The following PHACTR1 variants were observed in gnomAD, a reference collection of about 807,000 sequenced individuals.
PHACTR1 encodes phosphatase and actin regulator 1.
Under a neutral mutation model 69.2 loss-of-function variants are expected in PHACTR1, and 16 were observed. The observed-to-expected ratio is 0.23, with a 90% CI of 0.16 to 0.35. PHACTR1 has a LOEUF of 0.35. Ranked by LOEUF, PHACTR1 falls within the 10% of genes least tolerant of loss-of-function variation. The pLI is 1.00. For synonymous variants in PHACTR1, 312 were observed against 284.5 expected (o/e 1.10, Z -0.97); for missense variants, 510 against 734.7 (o/e 0.69, Z 3.54).
At chr6:13,095,735 A>G (rs968003585) in intron 5 of PHACTR1, among the ~76,000 whole-genome samples, 17 of 135,118 alleles carry the variant, frequency 1.3e-4, no homozygotes, top group Admixed American at 5.4e-4. Flanking sequence ...TTTAAAGTGA[A>G]TTATTGTGAA....
At chr6:12,997,135 C>G (rs1459034160) in intron 4 of PHACTR1, among the ~76,000 whole-genome samples, 2 of 151,606 alleles carry the variant, frequency 1.3e-5, no homozygotes, top group Non-Finnish European at 2.9e-5. Context: ...CCATTGCACT[C>G]TAGCCTGGGC....
intron 10 of PHACTR1, among the ~76,000 whole-genome samples, chr6:13,231,197 AGAAG>A (rs1287526485): frequency 2.4e-4 from 28 of 117,708 alleles, no homozygotes; most frequent in African/African-American, 3.9e-4. Context: ...GAGGAAGGAA[AGAAG>A]GAAGGAAGGA....
intron 4 of PHACTR1, among the ~76,000 whole-genome samples, chr6:12,812,771 A>G (rs1775169140): frequency 6.6e-6 from 1 of 152,186 alleles, no homozygotes; most frequent in Non-Finnish European, 1.5e-5. Context: ...TTGAAATCGC[A>G]TGATTGTTAG....
chr6:12,803,307 T>G (rs970183762), intron 4 of PHACTR1, among the ~76,000 whole-genome samples: 1 of 152,154 alleles, frequency 6.6e-6, no homozygotes, highest in Non-Finnish European at 1.5e-5. Context: ...ATTGGTGGTC[T>G]CTCTTTTTCA....
intron 4 of PHACTR1, among the ~76,000 whole-genome samples, chr6:12,818,443 C>A (rs1775838457): frequency 1.3e-5 from 2 of 152,128 alleles, no homozygotes; most frequent in Non-Finnish European, 2.9e-5. Context: ...CTACAGAGGG[C>A]AAACTCCAGT....
intron 10 of PHACTR1, among the ~76,000 whole-genome samples, chr6:13,249,104 A>G (rs970884288): frequency 6.6e-6 from 1 of 152,144 alleles, no homozygotes; most frequent in African/African-American, 2.4e-5. Context: ...CCTTTTGGCC[A>G]TGCTCGTGTA....
In PHACTR1 at chr6:12,948,048, C is replaced by T. The variant is rs147931171; in HGVS notation, c.251-105317C>T. On this transcript the variant is annotated intron_variant, in intron 4 of 14. Coordinates refer to ENST00000332995, the MANE Select transcript of PHACTR1 (RefSeq NM_030948.6). ...CTCCTCTGTTGGCTCATTGTAGTTG[C>T]GCCATGAACCTTTCCATATCCCTAA... Among the ~76,000 whole-genome samples the T allele has an allele frequency of 1.6e-4, 25 of 152,246 alleles. 1 individual carries two copies. The highest frequency in any genetic ancestry group is 2.4e-4 in the Non-Finnish European group (16 of 68,030).
chr6:13,171,862 G>A (rs901810819), intron 6 of PHACTR1, among the ~76,000 whole-genome samples: 5 of 152,140 alleles, frequency 3.3e-5, no homozygotes, highest in African/African-American at 1.2e-4. Context: ...TGCCTCCGGG[G>A]TTCAAGTGAT....
At chr6:12,972,504 T>C (rs1398611412) in intron 4 of PHACTR1, among the ~76,000 whole-genome samples, 1 of 152,194 alleles carries the variant, frequency 6.6e-6, no homozygotes, top group Non-Finnish European at 1.5e-5. Flanking sequence ...AGTCAAGGTA[T>C]AGGCATAGCT....
At chr6:12,836,304 T>C (rs1034539895) in intron 4 of PHACTR1, among the ~76,000 whole-genome samples, 3 of 152,206 alleles carry the variant, frequency 2.0e-5, no homozygotes, top group Non-Finnish European at 2.9e-5. Context: ...GGACAAATGA[T>C]GGAATAAGAT....
intron 4 of PHACTR1, among the ~76,000 whole-genome samples, chr6:13,050,878 T>C (rs1447316750): frequency 1.3e-5 from 2 of 152,210 alleles, no homozygotes; most frequent in East Asian, 3.8e-4. Flanking sequence ...CTCATGTTTA[T>C]CCAGAGAGTT....
intron 10 of PHACTR1, among the ~76,000 whole-genome samples, chr6:13,264,106 T>A (rs997246019): frequency 6.6e-6 from 1 of 152,210 alleles, no homozygotes; most frequent in Non-Finnish European, 1.5e-5. Flanking sequence ...AAATAAGTCA[T>A]CTTCAGTGTA....
intron 8 of PHACTR1, among the ~76,000 whole-genome samples, chr6:13,216,787 T>A (rs1767744740): frequency 6.6e-6 from 1 of 152,196 alleles, no homozygotes; most frequent in African/African-American, 2.4e-5. Context: ...TGCAAAGTAA[T>A]GTCATTATGA....
chr6:13,095,684 G>C (rs1446463062), intron 5 of PHACTR1, among the ~76,000 whole-genome samples: 4 of 150,258 alleles, frequency 2.7e-5, no homozygotes, highest in African/African-American at 4.9e-5. Flanking sequence ...TGGAGGAAGG[G>C]ACATGACCTT....
intron 4 of PHACTR1, among the ~76,000 whole-genome samples, chr6:12,844,924 A>G (rs4711845): frequency 0.19 from 28,666 of 152,006 alleles, 2,911 homozygotes; most frequent in African/African-American, 0.26. Flanking sequence ...AAACATAAAT[A>G]CTTGAGCAGC....
intron 10 of PHACTR1, among the ~76,000 whole-genome samples, chr6:13,243,019 G>A (rs1773070919): frequency 6.6e-6 from 1 of 152,198 alleles, no homozygotes; most frequent in Admixed American, 6.5e-5. Flanking sequence ...GTTCCATGAA[G>A]AAGGCGCAGA....
At chr6:12,721,322 T>G (rs1340440553) in intron 3 of PHACTR1, among the ~76,000 whole-genome samples, 4 of 151,850 alleles carry the variant, frequency 2.6e-5, no homozygotes, top group African/African-American at 9.7e-5. Context: ...AGGCGGAGGT[T>G]GCAGTGAGTG....
chr6:13,271,665 A>G (rs551979164), intron 10 of PHACTR1, among the ~76,000 whole-genome samples: 6 of 152,150 alleles, frequency 3.9e-5, no homozygotes, highest in South Asian at 2.1e-4. Context: ...GATAAATGCT[A>G]TATCAATAAT....
Position 12,839,750 on chromosome 6 carries a change from A to G in PHACTR1, c.250+89960A>G, listed in dbSNP as rs550659852. 1.8e-4 allele frequency among the ~76,000 whole-genome samples: 28 copies of G among 152,304 alleles called. No individual in the cohort carries two copies. In the South Asian group the frequency reaches 5.6e-3, roughly 30 times the overall value. ...ACACACGGTTCGTTAAATTATAATGAATGAAGTAAGATCAATTGTCTATGG... is the reference window on the plus strand; with the variant it reads ...ACACACGGTTCGTTAAATTATAATGGATGAAGTAAGATCAATTGTCTATGG... On this transcript the variant is annotated intron_variant, in intron 4 of 14. Coordinates refer to ENST00000332995, the MANE Select transcript of PHACTR1 (RefSeq NM_030948.6).
Sources: gnomAD v4.1 joint callset for allele counts (sites outside exome capture counted in the v4.1 genomes callset) on GRCh38, gnomAD v4.1.1 for gene constraint, MANE v1.5 for transcripts, NCBI Gene and HGNC (gene_info 2026-07-23, HGNC 2026-07-21) for gene names.